Variants in PCDH11Y observed in about 807,000 individuals in gnomAD.
The protein encoded by PCDH11Y is protocadherin 11 Y-linked.
For synonymous variants in PCDH11Y, 9 were observed against 83.6 expected, an observed-to-expected ratio of 0.11 and a Z score of 4.87; for missense variants, 12 against 224.8, an observed-to-expected ratio of 0.05 and a Z score of 6.05.
chrY:5,712,846 T>C, intron 4 of PCDH11Y, among the ~76,000 whole-genome samples: 1 of 30,449 alleles, frequency 3.3e-5, no homozygotes, highest in Non-Finnish European at 7.9e-5. Flanking sequence ...CTGAATAACA[T>C]GTTTTTCTTA....
intron 4 of PCDH11Y, among the ~76,000 whole-genome samples, chrY:5,640,205 T>A: frequency 3.1e-5 from 1 of 32,629 alleles, no homozygotes. Flanking sequence ...ACATCTGCAG[T>A]GATTTCCTTC....
intron 1 of PCDH11Y, among the ~76,000 whole-genome samples, chrY:5,072,164 A>G: frequency 3.1e-5 from 1 of 32,435 alleles, no homozygotes; most frequent in Non-Finnish European, 7.6e-5. Context: ...AAATTAAAAC[A>G]TGTGGCTGCT....
At chrY:5,476,097 CA>C (rs2053318306) in intron 2 of PCDH11Y, among the ~76,000 whole-genome samples, 1 of 32,112 alleles carries the variant, frequency 3.1e-5, no homozygotes, top group African/African-American at 1.2e-4. Flanking sequence ...AAACATGTAC[CA>C]GGCTAACACT....
intron 3 of PCDH11Y, among the ~76,000 whole-genome samples, chrY:5,537,630 C>T: frequency 3.1e-5 from 1 of 32,114 alleles, no homozygotes; most frequent in African/African-American, 1.2e-4. Context: ...CTTTAGTTAA[C>T]ATTTCTGTTT....
At chrY:5,366,096 C>T in intron 2 of PCDH11Y, among the ~76,000 whole-genome samples, 6 of 33,633 alleles carry the variant, frequency 1.8e-4, no homozygotes, top group Non-Finnish European at 4.4e-4. Context: ...GAAGCTCTTT[C>T]GCTTCCCCAG....
At chrY:5,261,057 CTCT>C (rs2053017559) in intron 2 of PCDH11Y, among the ~76,000 whole-genome samples, 1 of 32,816 alleles carries the variant, frequency 3.0e-5, no homozygotes, top group Non-Finnish European at 7.4e-5. Flanking sequence ...AATCTCTCTT[CTCT>C]TGTCTGCTGC....
At chrY:5,700,232 C>T in intron 4 of PCDH11Y, among the ~76,000 whole-genome samples, 1 of 33,711 alleles carries the variant, frequency 3.0e-5, no homozygotes, top group Non-Finnish European at 7.4e-5. Context: ...TGGGTCTAAA[C>T]AATACCAACA....
chrY:5,445,013 T>C, intron 2 of PCDH11Y, among the ~76,000 whole-genome samples: 1 of 20,467 alleles, frequency 4.9e-5, no homozygotes, highest in Admixed American at 5.0e-4. Flanking sequence ...AGCTATTATG[T>C]CAGAAAGCCA....
chrY:5,604,292 A>T, intron 4 of PCDH11Y, among the ~76,000 whole-genome samples: 1 of 33,141 alleles, frequency 3.0e-5, no homozygotes, highest in Admixed American at 2.8e-4. Flanking sequence ...TATTCATTTT[A>T]AAAATATGGC....
At chrY:5,665,979 TCCATTTACGCAAGTATATTC>T (rs2053544369) in intron 4 of PCDH11Y, among the ~76,000 whole-genome samples, 1 of 33,352 alleles carries the variant, frequency 3.0e-5, no homozygotes, top group African/African-American at 1.2e-4. Flanking sequence ...ATCACTGCCC[TCCATTTACGCAAGTATATTC>T]CCTTTAACTT....
intron 2 of PCDH11Y, among the ~76,000 whole-genome samples, chrY:5,435,003 A>G: frequency 6.0e-5 from 2 of 33,446 alleles, no homozygotes; most frequent in Non-Finnish European, 1.5e-4. Context: ...GGAGCTATGA[A>G]TATTTATGAA....
At chrY:5,284,614 T>C in intron 2 of PCDH11Y, among the ~76,000 whole-genome samples, 4 of 32,707 alleles carry the variant, frequency 1.2e-4, no homozygotes, top group African/African-American at 2.4e-4. Flanking sequence ...GTATAGATTG[T>C]TGCAAGCACT....
At chrY:5,716,482 A>G in intron 4 of PCDH11Y, among the ~76,000 whole-genome samples, 4 of 32,955 alleles carry the variant, frequency 1.2e-4, no homozygotes, top group Admixed American at 1.1e-3. Flanking sequence ...TCAAATTAAT[A>G]ATAGCCACAC....
intron 3 of PCDH11Y, among the ~76,000 whole-genome samples, chrY:5,046,740 A>G: frequency 2.5e-4 from 8 of 32,298 alleles, no homozygotes; most frequent in African/African-American, 8.5e-4. Context: ...TTGATCTCAG[A>G]CTGCTGTGCT....
At chrY:5,191,510 G>A (rs2052912430) in intron 2 of PCDH11Y, among the ~76,000 whole-genome samples, 2 of 31,667 alleles carry the variant, frequency 6.3e-5, no homozygotes, top group Non-Finnish European at 1.5e-4. Context: ...TGTGCAGACC[G>A]TGCAGGTTTG....
At chrY:5,226,445 G>C (rs2052960922) in intron 2 of PCDH11Y, among the ~76,000 whole-genome samples, 1 of 26,771 alleles carries the variant, frequency 3.7e-5, no homozygotes, top group Non-Finnish European at 8.7e-5. Context: ...TTCTTAACTT[G>C]ATGTTATCCC....
intron 4 of PCDH11Y, among the ~76,000 whole-genome samples, chrY:5,661,003 G>A (rs2053540760): frequency 1.6e-4 from 5 of 31,287 alleles, no homozygotes; most frequent in Non-Finnish European, 3.1e-4. Context: ...GTGAAACCCC[G>A]TTTCAATACA....
At chrY:5,356,677 G>A in intron 2 of PCDH11Y, among the ~76,000 whole-genome samples, 1 of 27,990 alleles carries the variant, frequency 3.6e-5, no homozygotes, top group Non-Finnish European at 8.4e-5. Flanking sequence ...AGGCGTTGGA[G>A]ACCAGCCTGG....
intron 2 of PCDH11Y, among the ~76,000 whole-genome samples, chrY:5,327,091 G>A (rs2053122535): frequency 3.0e-5 from 1 of 33,319 alleles, no homozygotes; most frequent in Non-Finnish European, 7.4e-5. Flanking sequence ...GAATTATGCC[G>A]AAATAGGTAA....
Sources: allele counts gnomAD v4.1 joint callset (sites outside exome capture counted in the v4.1 genomes callset), GRCh38; gene constraint gnomAD v4.1.1; transcripts MANE v1.5; gene names NCBI Gene and HGNC (gene_info 2026-07-23, HGNC 2026-07-21).